ANTXR2: variants seen among roughly 807,000 people sequenced by gnomAD.
The protein encoded by ANTXR2 is anthrax toxin receptor 2.
Under a neutral mutation model 73.7 loss-of-function variants are expected in ANTXR2, and 44 were observed. That is an observed-to-expected ratio of 0.60 (90% CI 0.47 to 0.77). The LOEUF (loss-of-function observed/expected upper bound fraction) is 0.77. Ranked by LOEUF, ANTXR2 falls within the 30% of genes least tolerant of loss-of-function variation. The probability of loss-of-function intolerance (pLI) is 0.00; values close to 1 mark genes in which losing one functional copy is unlikely to be tolerated. For synonymous variants in ANTXR2, 217 were observed against 205.9 expected, an observed-to-expected ratio of 1.05 and a Z score of -0.46; for missense variants, 604 against 592.5, an observed-to-expected ratio of 1.02 and a Z score of -0.20.
chr4:79,951,695 C>T (rs955859088), intron 16 of ANTXR2, among the ~76,000 whole-genome samples: 8 of 152,102 alleles, frequency 5.3e-5, no homozygotes, highest in Non-Finnish European at 1.2e-4. Context: ...ATAATTGAAT[C>T]ACTGTCCCAG....
At chr4:79,974,723 GT>G (rs1729558017) in intron 16 of ANTXR2, among the ~76,000 whole-genome samples, 3 of 151,078 alleles carry the variant, frequency 2.0e-5, no homozygotes, top group African/African-American at 7.3e-5. Context: ...GACCTCAAGA[GT>G]TAGAATAAAG....
intron 12 of ANTXR2, among the ~76,000 whole-genome samples, chr4:79,987,575 T>C (rs971462077): frequency 2.0e-5 from 3 of 152,134 alleles, no homozygotes; most frequent in Non-Finnish European, 4.4e-5. Context: ...TCCACACAAA[T>C]TTCCCCAACC....
chr4:80,041,228 C>T (rs922571370), intron 7 of ANTXR2, among the ~76,000 whole-genome samples: 1 of 151,978 alleles, frequency 6.6e-6, no homozygotes, highest in African/African-American at 2.4e-5. Context: ...GTCCAAACCC[C>T]ATTCTTCTAG....
intron 10 of ANTXR2, among the ~76,000 whole-genome samples, chr4:80,025,415 A>G (rs1185385587): frequency 6.6e-6 from 1 of 152,228 alleles, no homozygotes; most frequent in African/African-American, 2.4e-5. Context: ...TTTGCTTCTG[A>G]CTTTATATAT....
At chr4:80,033,266 A>G (rs1732784014) in intron 9 of ANTXR2, among the ~76,000 whole-genome samples, 1 of 152,026 alleles carries the variant, frequency 6.6e-6, no homozygotes, top group Non-Finnish European at 1.5e-5. Flanking sequence ...AGGGTCCAGC[A>G]TTTATTAAGT....
intron 10 of ANTXR2, among the ~76,000 whole-genome samples, chr4:80,019,384 G>T (rs1435609536): frequency 6.6e-6 from 1 of 152,142 alleles, no homozygotes; most frequent in Non-Finnish European, 1.5e-5. Flanking sequence ...AAAGGAAAGA[G>T]TAAGAGTCAC....
intron 8 of ANTXR2, 128 bp downstream of exon 8, chr4:80,035,844 T>C: frequency 1.4e-6 from 1 of 737,084 alleles, no homozygotes; most frequent in Admixed American, 3.2e-5. Context: ...TTAAAAATTC[T>C]TACACAAAAA....
chr4:79,922,639 G>C (rs77676437), intron 16 of ANTXR2, among the ~76,000 whole-genome samples: 2 of 151,908 alleles, frequency 1.3e-5, no homozygotes, highest in African/African-American at 4.8e-5. Flanking sequence ...TATGTAAAAA[G>C]AACAGTTTGC....
rs116769264 is a variant in ANTXR2, at chr4:80,042,568, G to A, written c.637-6536C>T. Among the ~76,000 whole-genome samples the A allele has an allele frequency of 4.9e-3, 738 of 151,970 alleles. 9 individuals carry two copies. The highest frequency in any genetic ancestry group is 0.017 in the African/African-American group (712 of 41,484). The stretch of plus-strand genomic sequence containing the variant: ...CTTTTCTAAATATGCTCTCTATATA[G>A]GTTTCCTTTATCTCCCAAAATACTC... On this transcript the variant is annotated intron_variant, in intron 7 of 16. Coordinates refer to ENST00000403729, the MANE Select transcript of ANTXR2 (RefSeq NM_058172.6).
intron 16 of ANTXR2, among the ~76,000 whole-genome samples, chr4:79,928,968 G>A (rs1727943496): frequency 6.6e-6 from 1 of 152,112 alleles, no homozygotes; most frequent in Admixed American, 6.5e-5. Context: ...ATGGTTAACA[G>A]AGTCCAACAA....
chr4:79,973,004 G>C (rs1000044305), intron 16 of ANTXR2, among the ~76,000 whole-genome samples: 3 of 150,450 alleles, frequency 2.0e-5, no homozygotes, highest in Admixed American at 2.0e-4. Flanking sequence ...ATATAAAAAT[G>C]TATAAACTAG....
intron 3 of ANTXR2, among the ~76,000 whole-genome samples, chr4:80,064,269 A>G (rs1338007830): frequency 6.6e-6 from 1 of 152,228 alleles, no homozygotes; most frequent in Non-Finnish European, 1.5e-5. Context: ...AAAGGGAGTC[A>G]TAAATATTTA....
At chr4:79,910,756 A>G (rs1349675132) in intron 16 of ANTXR2, among the ~76,000 whole-genome samples, 1 of 152,106 alleles carries the variant, frequency 6.6e-6, no homozygotes, top group Non-Finnish European at 1.5e-5. Flanking sequence ...TATGAATCTG[A>G]GGGAGAGAAA....
chr4:79,954,670 A>C (rs1198919410), intron 16 of ANTXR2, among the ~76,000 whole-genome samples: 1 of 152,186 alleles, frequency 6.6e-6, no homozygotes, highest in Non-Finnish European at 1.5e-5. Flanking sequence ...TCTATTTATA[A>C]AAAATATCTG....
At chr4:79,911,644 A>G (rs1727143411) in intron 16 of ANTXR2, among the ~76,000 whole-genome samples, 1 of 151,982 alleles carries the variant, frequency 6.6e-6, no homozygotes, top group Non-Finnish European at 1.5e-5. Context: ...AATGTATAAT[A>G]TTATGCCTGT....
intron 12 of ANTXR2, among the ~76,000 whole-genome samples, chr4:80,005,254 G>C (rs991077362): frequency 1.3e-5 from 2 of 152,092 alleles, no homozygotes; most frequent in East Asian, 3.9e-4. Flanking sequence ...CCTGAGAATA[G>C]ACATTTTAAG....
chr4:80,044,755 G>A (rs1733437443), intron 7 of ANTXR2, among the ~76,000 whole-genome samples: 1 of 151,782 alleles, frequency 6.6e-6, no homozygotes, highest in Admixed American at 6.6e-5. Flanking sequence ...AAAACAGAAT[G>A]CAGTCCATTC....
At chr4:79,934,414 C>T (rs1728178680) in intron 16 of ANTXR2, among the ~76,000 whole-genome samples, 1 of 152,028 alleles carries the variant, frequency 6.6e-6, no homozygotes. Flanking sequence ...GTAATCCCAG[C>T]TACTTGGGAG....
chr4:79,961,817 A>G (rs1403138403), intron 16 of ANTXR2, among the ~76,000 whole-genome samples: 1 of 152,168 alleles, frequency 6.6e-6, no homozygotes, highest in African/African-American at 2.4e-5. Flanking sequence ...TGCATTGAGA[A>G]GAGGTATTTA....
Sources: allele counts gnomAD v4.1 joint callset (sites outside exome capture counted in the v4.1 genomes callset), GRCh38; gene constraint gnomAD v4.1.1; transcripts MANE v1.5; gene names NCBI Gene and HGNC (gene_info 2026-07-23, HGNC 2026-07-21).